The following CCDC171 variants were observed in gnomAD, a reference collection of about 807,000 sequenced individuals.
The protein encoded by CCDC171 is coiled-coil domain-containing protein 171.
In CCDC171, 177 loss-of-function variants were observed where a neutral mutation model predicts 168.2. The observed-to-expected ratio is 1.05, with a 90% CI of 0.93 to 1.19. The LOEUF is 1.19. Ranked by LOEUF, CCDC171 falls within the 50% of genes most tolerant of loss-of-function variation. The pLI, the probability that CCDC171 is intolerant of heterozygous loss-of-function variation, is 0.00. For missense variants in CCDC171, 1,991 were observed against 1,539.0 expected (o/e 1.29, Z -4.91); for synonymous variants, 687 against 540.8 (o/e 1.27, Z -3.75).
rs1372027621 is a variant in CCDC171 at position 15,677,900 on chromosome 9, ATATATATATATATATATATATATAT to A, written c.1077-857_1077-833del. On this transcript the variant is annotated intron_variant, in intron 9 of 25. Coordinates refer to ENST00000380701, the MANE Select transcript of CCDC171 (RefSeq NM_173550.4). The stretch of plus-strand genomic sequence containing the variant: ...GTGTCATATATATATATATATATAT[ATATATATATATATATATATATATAT>A]AAGAGATGTGGTCTCATTCTGTTAC... Among the ~76,000 whole-genome samples the A allele has an allele frequency of 4.5e-4, 9 of 19,850 alleles. 1 individual carries two copies. Among genetic ancestry groups the A allele is most frequent in the East Asian group, 0.013 (2 of 156 alleles). The allele number at this position is 19,850 out of a possible 152,430, so 13.0% of individuals were successfully genotyped here.
intron 24 of CCDC171, among the ~76,000 whole-genome samples, chr9:15,905,518 A>G (rs201440800): frequency 6.6e-6 from 1 of 152,160 alleles, no homozygotes; most frequent in Non-Finnish European, 1.5e-5. Context: ...GACACATTCA[A>G]AGCAGTGTGT....
chr9:16,004,795 G>C (rs1393778841), intron 3 of CCDC171, among the ~76,000 whole-genome samples: 1 of 152,152 alleles, frequency 6.6e-6, no homozygotes, highest in Non-Finnish European at 1.5e-5. Context: ...TCCTGAAGGA[G>C]AGCGATCAGC....
intron 6 of CCDC171, among the ~76,000 whole-genome samples, chr9:15,605,007 T>G (rs944482081): frequency 2.0e-5 from 3 of 152,176 alleles, no homozygotes; most frequent in Non-Finnish European, 4.4e-5. Flanking sequence ...AGCCTTTGCC[T>G]ACCTCAGCCT....
chr9:16,066,245 C>T (rs1487621458), downstream of CCDC171, among the ~76,000 whole-genome samples: 1 of 152,140 alleles, frequency 6.6e-6, no homozygotes, highest in African/African-American at 2.4e-5. Flanking sequence ...GAGCATTGCC[C>T]CTACCTGTCT....
At chr9:15,789,080 G>A (rs1297802224) in intron 21 of CCDC171, among the ~76,000 whole-genome samples, 1 of 152,134 alleles carries the variant, frequency 6.6e-6, no homozygotes, top group Non-Finnish European at 1.5e-5. Context: ...AACACCGTGA[G>A]TAGTTGCTAG....
intron 3 of CCDC171, among the ~76,000 whole-genome samples, chr9:16,015,143 C>A (rs1832976891): frequency 6.6e-6 from 1 of 152,104 alleles, no homozygotes; most frequent in Non-Finnish European, 1.5e-5. Context: ...TGTAGTATAG[C>A]CATGTTCATC....
intron 25 of CCDC171, among the ~76,000 whole-genome samples, chr9:15,946,458 T>C (rs1828397440): frequency 6.6e-6 from 1 of 151,906 alleles, no homozygotes; most frequent in Non-Finnish European, 1.5e-5. Context: ...GAATCCACCT[T>C]ACAAGGGACG....
At chr9:16,058,556 G>A (rs1157611374) in intron 1 of CCDC171, among the ~76,000 whole-genome samples, 3 of 152,218 alleles carry the variant, frequency 2.0e-5, no homozygotes, top group Non-Finnish European at 4.4e-5. Flanking sequence ...TGGTACTTCT[G>A]CATAAAGAGG....
chr9:15,616,682 C>G (rs1335207865), intron 6 of CCDC171, among the ~76,000 whole-genome samples: 1 of 152,058 alleles, frequency 6.6e-6, no homozygotes, highest in African/African-American at 2.4e-5. Context: ...TGAATTAATA[C>G]TGGGGCTATT....
intron 8 of CCDC171, among the ~76,000 whole-genome samples, chr9:15,658,603 C>A (rs1282334400): frequency 6.6e-6 from 1 of 152,088 alleles, no homozygotes; most frequent in East Asian, 1.9e-4. Context: ...CTAGTTGAGA[C>A]TGATGTAATC....
upstream of CCDC171, among the ~76,000 whole-genome samples, chr9:16,039,909 G>T (rs573079437): frequency 2.8e-4 from 42 of 152,236 alleles, 2 homozygotes; most frequent in South Asian, 8.5e-3. Flanking sequence ...TTGCCAGAAG[G>T]AAGGAGATTG....
intron 9 of CCDC171, among the ~76,000 whole-genome samples, chr9:15,673,734 G>T (rs1415675601): frequency 6.6e-6 from 1 of 152,164 alleles, no homozygotes; most frequent in Admixed American, 6.5e-5. Flanking sequence ...TTGATGTGCT[G>T]CTGGATTCAG....
chr9:16,105,601 C>T, the CCDC171 span, among the ~76,000 whole-genome samples: 1 of 152,216 alleles, frequency 6.6e-6, no homozygotes. Flanking sequence ...CGTCACGGGC[C>T]TCTCTGCAGA....
chr9:15,622,751 T>C (rs766476995), intron 6 of CCDC171, among the ~76,000 whole-genome samples: 5 of 152,210 alleles, frequency 3.3e-5, no homozygotes, highest in African/African-American at 4.8e-5. Flanking sequence ...AGCAAAGATT[T>C]GAAAGCTTTT....
At chr9:15,906,513 G>A (rs1397753042) in intron 24 of CCDC171, among the ~76,000 whole-genome samples, 1 of 152,122 alleles carries the variant, frequency 6.6e-6, no homozygotes, top group Admixed American at 6.5e-5. Context: ...GGTATTGATG[G>A]GACTTATCTC....
chr9:15,951,539 TTTGC>T (rs1383783542), intron 25 of CCDC171, among the ~76,000 whole-genome samples: 1 of 152,018 alleles, frequency 6.6e-6, no homozygotes. Flanking sequence ...TGTTTGTTTG[TTTGC>T]TTGTTTTTTT....
intron 7 of CCDC171, among the ~76,000 whole-genome samples, chr9:15,635,950 GTTA>G (rs1014655303): frequency 2.0e-5 from 3 of 152,150 alleles, no homozygotes; most frequent in Admixed American, 6.5e-5. Context: ...ACCAACAGCT[GTTA>G]TTGTCACTCT....
intron 4 of CCDC171, among the ~76,000 whole-genome samples, chr9:16,021,840 T>G (rs1833173454): frequency 6.6e-6 from 1 of 152,236 alleles, no homozygotes; most frequent in South Asian, 2.1e-4. Flanking sequence ...GTGCAGGATC[T>G]GTTAGCCTGA....
intron 16 of CCDC171, among the ~76,000 whole-genome samples, chr9:15,743,701 A>C (rs2055056810): frequency 6.6e-6 from 1 of 152,238 alleles, no homozygotes; most frequent in South Asian, 2.1e-4. Flanking sequence ...TGCACTGTGT[A>C]TAGCTTTCTG....
Sources: gnomAD v4.1 joint callset for allele counts (sites outside exome capture counted in the v4.1 genomes callset) on GRCh38, gnomAD v4.1.1 for gene constraint, MANE v1.5 for transcripts, NCBI Gene and HGNC (gene_info 2026-07-23, HGNC 2026-07-21) for gene names.